The following DLG2 variants were observed in gnomAD, a reference collection of about 807,000 sequenced individuals.
DLG2 encodes the protein disks large homolog 2.
DLG2 carries 45 observed loss-of-function variants against 132.5 expected under a neutral mutation model. The ratio of observed to expected loss-of-function variants is 0.34; its 90% CI spans 0.27 to 0.44. The LOEUF is 0.44. Ranked by LOEUF, DLG2 falls within the 20% of genes least tolerant of loss-of-function variation. The pLI is 1.00. For missense variants in DLG2, 1,045 were observed against 1,196.9 expected (o/e 0.87, Z 1.87); for synonymous variants, 424 against 419.6 (o/e 1.01, Z -0.13).
chr11:85,134,528 C>CAA (rs58266385), intron 5 of DLG2, among the ~76,000 whole-genome samples: 612 of 34,658 alleles, frequency 0.018, 30 homozygotes, highest in Non-Finnish European at 0.027. Context: ...GACTCCGTCT[C>CAA]AAAAAAAAAA....
intron 6 of DLG2, among the ~76,000 whole-genome samples, chr11:85,096,415 G>A (rs1212592948): frequency 6.6e-6 from 1 of 151,174 alleles, no homozygotes; most frequent in South Asian, 2.1e-4. Context: ...AACTCCAGAC[G>A]CGCCACCTTT....
intron 6 of DLG2, among the ~76,000 whole-genome samples, chr11:84,976,941 T>C (rs976515937): frequency 1.3e-5 from 2 of 152,168 alleles, no homozygotes; most frequent in Admixed American, 6.6e-5. Flanking sequence ...GGGTTTTCCA[T>C]CCAGTCTATA....
chr11:84,105,516 A>C (rs1281135599), intron 9 of DLG2, among the ~76,000 whole-genome samples: 1 of 152,182 alleles, frequency 6.6e-6, no homozygotes, highest in Non-Finnish European at 1.5e-5. Flanking sequence ...GGGAGAACAG[A>C]TGTCAAACAA....
At chr11:83,880,555 C>T (rs1049701674) in intron 15 of DLG2, among the ~76,000 whole-genome samples, 1 of 152,098 alleles carries the variant, frequency 6.6e-6, no homozygotes, top group South Asian at 2.1e-4. Context: ...AAGAGTTGTG[C>T]TCTCTTCTGT....
chr11:85,104,925 G>T (rs1350044150), intron 6 of DLG2, among the ~76,000 whole-genome samples: 5 of 148,474 alleles, frequency 3.4e-5, no homozygotes, highest in African/African-American at 1.2e-4. Context: ...AGAAAGAGGT[G>T]GGTGAATATT....
At chr11:83,905,624 T>C (rs957211573) in intron 15 of DLG2, among the ~76,000 whole-genome samples, 7 of 152,202 alleles carry the variant, frequency 4.6e-5, no homozygotes, top group Admixed American at 2.0e-4. Flanking sequence ...AACATGGTCA[T>C]TCTTGCTTAC....
At chr11:85,482,315 T>G (rs958535047) in intron 3 of DLG2, among the ~76,000 whole-genome samples, 34 of 152,138 alleles carry the variant, frequency 2.2e-4, no homozygotes, top group African/African-American at 8.2e-4. Flanking sequence ...CAATGCCAGC[T>G]TGGCTCCCCT....
At chr11:84,950,878 T>C (rs1389948376) in intron 6 of DLG2, among the ~76,000 whole-genome samples, 1 of 152,188 alleles carries the variant, frequency 6.6e-6, no homozygotes, top group Non-Finnish European at 1.5e-5. Context: ...CTAAACTGCA[T>C]ATTACTAAAA....
intron 15 of DLG2, among the ~76,000 whole-genome samples, chr11:83,892,959 A>C (rs2070404758): frequency 6.6e-6 from 1 of 152,192 alleles, no homozygotes; most frequent in Admixed American, 6.5e-5. Flanking sequence ...ATTCCAGTTC[A>C]TTCCCTCCCA....
chr11:84,494,593 C>T (rs771319076), intron 7 of DLG2, among the ~76,000 whole-genome samples: 1 of 152,030 alleles, frequency 6.6e-6, no homozygotes, highest in Non-Finnish European at 1.5e-5. Flanking sequence ...GAGCAAAATT[C>T]CAAGGGGTCC....
chr11:83,748,085 T>C (rs889614464), intron 18 of DLG2, among the ~76,000 whole-genome samples: 1 of 152,232 alleles, frequency 6.6e-6, no homozygotes, highest in African/African-American at 2.4e-5. Context: ...TCTTTAATCA[T>C]ATAAAATGCT....
rs181320671 is a variant in DLG2 at position 83,487,713 on chromosome 11, A to C, written c.2194-3485T>G. ...AAATCATCAGATGCTATTGGATTCA[A>C]CAACATCATTTTGGTTATCCTGTTA... On this transcript the variant is annotated intron_variant, in intron 21 of 27. Coordinates refer to ENST00000376104, the MANE Select transcript of DLG2 (RefSeq NM_001142699.3). Among the ~76,000 whole-genome samples the C allele has an allele frequency of 1.6e-3, 251 of 152,172 alleles. 2 individuals carry two copies. The highest frequency in any genetic ancestry group is 1.4e-3 in the Non-Finnish European group (96 of 67,936).
At chr11:84,676,805 A>C (rs1197082626) in intron 6 of DLG2, among the ~76,000 whole-genome samples, 1 of 152,020 alleles carries the variant, frequency 6.6e-6, no homozygotes, top group Non-Finnish European at 1.5e-5. Context: ...GTGCTCAAAG[A>C]AATATAGACT....
intron 16 of DLG2, among the ~76,000 whole-genome samples, chr11:83,854,739 T>C (rs920241100): frequency 2.0e-5 from 3 of 152,096 alleles, no homozygotes; most frequent in African/African-American, 7.2e-5. Flanking sequence ...AAGAAAGAAC[T>C]GATAAGCTGG....
At chr11:84,710,779 G>A (rs1231688136) in intron 6 of DLG2, among the ~76,000 whole-genome samples, 2 of 150,930 alleles carry the variant, frequency 1.3e-5, no homozygotes, top group Admixed American at 1.3e-4. Flanking sequence ...TCAAAATTAT[G>A]TATTTTATAT....
intron 6 of DLG2, among the ~76,000 whole-genome samples, chr11:85,078,246 T>C (rs963611221): frequency 1.3e-5 from 2 of 150,108 alleles, no homozygotes; most frequent in African/African-American, 4.9e-5. Context: ...TAAAGCAAGC[T>C]GAAAATGACA....
At chr11:84,079,285 T>TTTTG (rs1555326967) in intron 10 of DLG2, among the ~76,000 whole-genome samples, 1 of 151,496 alleles carries the variant, frequency 6.6e-6, no homozygotes, top group Non-Finnish European at 1.5e-5. Context: ...TTTGTTTTTT[T>TTTTG]TTTTGTTTTT....
intron 9 of DLG2, among the ~76,000 whole-genome samples, chr11:84,123,071 G>C (rs1360136431): frequency 6.6e-6 from 1 of 152,162 alleles, no homozygotes; most frequent in Non-Finnish European, 1.5e-5. Context: ...GACTATGCTA[G>C]GTACTTTCTT....
intron 6 of DLG2, among the ~76,000 whole-genome samples, chr11:84,680,093 T>C (rs2099724906): frequency 1.3e-5 from 2 of 152,144 alleles, no homozygotes; most frequent in Admixed American, 6.5e-5. Context: ...TTATACATGA[T>C]AGTGACATCT....
Sources: gnomAD v4.1 joint callset for allele counts (sites outside exome capture counted in the v4.1 genomes callset) on GRCh38, gnomAD v4.1.1 for gene constraint, MANE v1.5 for transcripts, NCBI Gene and HGNC (gene_info 2026-07-23, HGNC 2026-07-21) for gene names.